The following NKIRAS1 variants were observed in gnomAD, a reference collection of about 807,000 sequenced individuals.
NKIRAS1 encodes the protein NFKB inhibitor interacting Ras like 1.
NKIRAS1 carries 16 observed loss-of-function variants against 19.8 expected under a neutral mutation model. The ratio of observed to expected loss-of-function variants is 0.81; its 90% CI spans 0.55 to 1.23. The LOEUF (loss-of-function observed/expected upper bound fraction) is 1.23, where lower values mean the gene tolerates loss of function less well. NKIRAS1 is among the 50% of genes most tolerant of loss of function. NKIRAS1 has a pLI of 0.00. For missense variants in NKIRAS1, 184 were observed against 220.0 expected (o/e 0.84, Z 1.04); for synonymous variants, 88 against 79.0 (o/e 1.11, Z -0.61).
chr3:23,913,373 A>G (rs961344584), intron 1 of NKIRAS1, among the ~76,000 whole-genome samples: 2 of 152,196 alleles, frequency 1.3e-5, no homozygotes, highest in Admixed American at 1.3e-4. Flanking sequence ...ACTATCAAAA[A>G]GAAAACAAAG....
chr3:23,941,756 T>C (rs370750911), intron 1 of NKIRAS1, among the ~76,000 whole-genome samples: 5 of 152,164 alleles, frequency 3.3e-5, no homozygotes, highest in East Asian at 3.8e-4. Flanking sequence ...TATAGCTCTA[T>C]AGCCTCTACT....
At chr3:23,912,446 A>G (rs1703850924) in intron 1 of NKIRAS1, among the ~76,000 whole-genome samples, 1 of 152,252 alleles carries the variant, frequency 6.6e-6, no homozygotes, top group South Asian at 2.1e-4. Flanking sequence ...AAAAATGCTC[A>G]TCATCACTGG....
rs745812591 is a variant in NKIRAS1, at chr3:23,892,991, A to C, written c.*104T>G. Reference sequence around the variant, plus strand: ...TCCTTAGGAATTTTCCTAAGGACCAAAGGTAGATACAAATGGCCTATTTTA... The same window carrying C: ...TCCTTAGGAATTTTCCTAAGGACCACAGGTAGATACAAATGGCCTATTTTA... On this transcript the variant is annotated 3_prime_UTR_variant, in exon 5 of 5. Transcript: ENST00000425478. 1.1e-4 allele frequency: 142 copies of C among 1,241,978 alleles called. No individual in the cohort carries two copies. The highest frequency in any genetic ancestry group is 1.1e-4 in the Non-Finnish European group (103 of 926,446). The allele number at this position is 1,241,978 out of a possible 1,614,324, so 76.9% of individuals were successfully genotyped here.
At position 23,933,965 on chromosome 3, in the gene NKIRAS1, C is replaced by A. The variant is rs568961802; in HGVS notation, c.-140+12358G>T. Among the ~76,000 whole-genome samples the A allele has an allele frequency of 2.0e-5, 3 of 152,298 alleles. No homozygotes were observed. In the East Asian group the frequency reaches 5.8e-4, roughly 29 times the overall value. On this transcript the variant is annotated intron_variant, in intron 1 of 4. Coordinates refer to the NKIRAS1 transcript ENST00000421515. ...CGCTTCAACATCTTTTACAATGTGG[C>A]TAATATCATTCATGAGGGGTCTGCC...
At chr3:23,920,645 G>A (rs1230873143), upstream of NKIRAS1, 7 of 984,962 alleles carry the variant, frequency 7.1e-6, no homozygotes, top group Admixed American at 6.2e-5. Flanking sequence ...TTAAATGCTC[G>A]TTCTGAACCA....
chr3:23,918,021 G>A, upstream of NKIRAS1: 1 of 1,608,934 alleles, frequency 6.2e-7, no homozygotes, highest in Non-Finnish European at 8.5e-7. Flanking sequence ...TGGGCTACAA[G>A]GCCAAGCAAG....
intron 3 of NKIRAS1, among the ~76,000 whole-genome samples, chr3:23,907,549 T>C (rs1703198864): frequency 1.3e-5 from 2 of 152,372 alleles, no homozygotes; most frequent in South Asian, 4.1e-4. Context: ...CAAAGCCATT[T>C]GCATTTTCCA....
intron 3 of NKIRAS1, 68 bp downstream of exon 3, chr3:23,910,743 G>C: frequency 8.9e-7 from 1 of 1,126,654 alleles, no homozygotes; most frequent in Non-Finnish European, 1.3e-6. Context: ...CTTTAGTTTA[G>C]CATGACCAAC....
At chr3:23,933,990 C>T (rs1258145386) in intron 1 of NKIRAS1, among the ~76,000 whole-genome samples, 3 of 152,152 alleles carry the variant, frequency 2.0e-5, no homozygotes, top group Non-Finnish European at 4.4e-5. Flanking sequence ...AGGGGTCTGC[C>T]CTCGTGACTT....
chr3:23,894,967 T>C (rs1701837920), intron 4 of NKIRAS1, among the ~76,000 whole-genome samples: 2 of 152,218 alleles, frequency 1.3e-5, no homozygotes. Flanking sequence ...TGGTCTCTTA[T>C]TCTTTGACTT....
At chr3:23,909,376 A>C (rs1476567560) in intron 3 of NKIRAS1, among the ~76,000 whole-genome samples, 2 of 152,086 alleles carry the variant, frequency 1.3e-5, no homozygotes, top group African/African-American at 4.8e-5. Flanking sequence ...AAAATACAAA[A>C]ATTAGCCAGA....
exon 1 of NKIRAS1, chr3:23,946,420 C>A (rs1335229374): frequency 4.3e-6 from 2 of 467,322 alleles, no homozygotes; most frequent in African/African-American, 2.1e-5. Context: ...GGGATACGCT[C>A]GAAGGAGCTC....
intron 1 of NKIRAS1, among the ~76,000 whole-genome samples, chr3:23,924,557 A>G (rs1443841564): frequency 6.6e-6 from 1 of 152,124 alleles, no homozygotes; most frequent in African/African-American, 2.4e-5. Context: ...GGTGTGCGCC[A>G]CTACTAATTT....
At chr3:23,919,726 G>A (rs72627083), upstream of NKIRAS1, 10,471 of 1,346,554 alleles carry the variant, frequency 7.8e-3, 361 homozygotes, top group African/African-American at 0.081. Flanking sequence ...TTAGGGAGTT[G>A]TATGTCAGTG....
intron 1 of NKIRAS1, among the ~76,000 whole-genome samples, chr3:23,932,690 A>G (rs1463226592): frequency 8.8e-6 from 1 of 114,232 alleles, no homozygotes; most frequent in Non-Finnish European, 1.7e-5. Context: ...TTCCGTCTCA[A>G]AAAAAAAAAA....
intron 1 of NKIRAS1, among the ~76,000 whole-genome samples, chr3:23,938,466 A>C (rs7650339): frequency 0.64 from 97,484 of 151,876 alleles, 31,483 homozygotes; most frequent in Middle Eastern, 0.73. Context: ...CCTGCCTCAG[A>C]CTCCCAGAGT....
intron 3 of NKIRAS1, among the ~76,000 whole-genome samples, chr3:23,904,432 G>T (rs1037398601): frequency 1.3e-5 from 2 of 152,176 alleles, no homozygotes; most frequent in Non-Finnish European, 2.9e-5. Flanking sequence ...GGGAGAGACA[G>T]AAGGGCAAGA....
chr3:23,929,711 G>A (rs2125265858), intron 1 of NKIRAS1, among the ~76,000 whole-genome samples: 1 of 152,158 alleles, frequency 6.6e-6, no homozygotes, highest in South Asian at 2.1e-4. Context: ...CAAAGTGCTG[G>A]GATTACAGAC....
chr3:23,897,271 G>C (rs1342468046), intron 4 of NKIRAS1, among the ~76,000 whole-genome samples: 1 of 151,714 alleles, frequency 6.6e-6, no homozygotes, highest in Non-Finnish European at 1.5e-5. Context: ...TTTATATAAA[G>C]AAACTCTGGA....
Sources: allele counts gnomAD v4.1 joint callset (sites outside exome capture counted in the v4.1 genomes callset), GRCh38; gene constraint gnomAD v4.1.1; transcripts MANE v1.5; gene names NCBI Gene and HGNC (gene_info 2026-07-23, HGNC 2026-07-21).